Variants in CERS3 observed in about 807,000 individuals in gnomAD.
CERS3 encodes ceramide synthase 3, also known as LAG1 homolog, ceramide synthase 3.
Under a neutral mutation model 50.3 loss-of-function variants are expected in CERS3, and 33 were observed. The ratio of observed to expected loss-of-function variants is 0.66; its 90% CI spans 0.50 to 0.88. The LOEUF (loss-of-function observed/expected upper bound fraction) is 0.88, where lower values mean the gene tolerates loss of function less well. Among genes scored for constraint, CERS3 ranks in the 40% least tolerant of loss-of-function variants. The pLI is 0.00. For missense variants in CERS3, 470 were observed against 460.3 expected, an observed-to-expected ratio of 1.02 and a Z score of -0.19; for synonymous variants, 176 against 155.2, an observed-to-expected ratio of 1.13 and a Z score of -0.99.
chr15:100,453,960 A>G (rs1204282532), intron 11 of CERS3, among the ~76,000 whole-genome samples: 1 of 152,222 alleles, frequency 6.6e-6, no homozygotes, highest in Non-Finnish European at 1.5e-5. Flanking sequence ...GAAAACTACA[A>G]AACACTGATT....
intron 10 of CERS3, among the ~76,000 whole-genome samples, chr15:100,468,523 TAAG>T (rs1289456435): frequency 6.6e-6 from 1 of 152,168 alleles, no homozygotes; most frequent in Non-Finnish European, 1.5e-5. Flanking sequence ...TCTATACACT[TAAG>T]AATGAGGCCT....
At chr15:100,515,549 T>C (rs1190293172) in intron 2 of CERS3, among the ~76,000 whole-genome samples, 1 of 152,192 alleles carries the variant, frequency 6.6e-6, no homozygotes, top group Non-Finnish European at 1.5e-5. Context: ...AGGCAGGAAG[T>C]TGACTTAGAA....
intron 2 of CERS3, among the ~76,000 whole-genome samples, chr15:100,511,276 A>C (rs2036331129): frequency 1.3e-5 from 2 of 152,206 alleles, no homozygotes; most frequent in Admixed American, 6.5e-5. Context: ...GTGACAGAGC[A>C]AGACTCCATC....
chr15:100,441,917 C>G (rs746730133), intron 11 of CERS3, among the ~76,000 whole-genome samples: 1 of 151,970 alleles, frequency 6.6e-6, no homozygotes, highest in Admixed American at 6.6e-5. Context: ...TCCTTTTCTA[C>G]AGACCCATCT....
intron 2 of CERS3, among the ~76,000 whole-genome samples, chr15:100,517,125 C>T (rs1427094295): frequency 2.0e-5 from 3 of 152,294 alleles, no homozygotes; most frequent in Middle Eastern, 3.4e-3. Context: ...GAATAGCTAA[C>T]GGATCTAGGA....
chr15:100,434,776 C>A (rs1020889573), intron 11 of CERS3, among the ~76,000 whole-genome samples: 3 of 152,228 alleles, frequency 2.0e-5, no homozygotes, highest in African/African-American at 2.4e-5. Flanking sequence ...TGTGCCTGTG[C>A]CCCGGTCTAA....
At chr15:100,472,531 G>A (rs1017147838) in intron 9 of CERS3, among the ~76,000 whole-genome samples, 10 of 152,124 alleles carry the variant, frequency 6.6e-5, no homozygotes, top group East Asian at 1.9e-4. Flanking sequence ...AACATTCAAC[G>A]GGTATTCAAG....
At chr15:100,538,072 A>G (rs1466993405) in intron 1 of CERS3, among the ~76,000 whole-genome samples, 1 of 152,214 alleles carries the variant, frequency 6.6e-6, no homozygotes, top group Non-Finnish European at 1.5e-5. Context: ...AAAGTTCCAA[A>G]ATAACCTCCT....
At chr15:100,511,194 C>T (rs887646949) in intron 2 of CERS3, among the ~76,000 whole-genome samples, 1 of 152,090 alleles carries the variant, frequency 6.6e-6, no homozygotes, top group Admixed American at 6.6e-5. Context: ...GAGGCTGAGG[C>T]AGGAGAATTT....
chr15:100,445,252 G>C (rs1406126328), intron 11 of CERS3, among the ~76,000 whole-genome samples: 1 of 118,268 alleles, frequency 8.5e-6, no homozygotes, highest in Non-Finnish European at 1.8e-5. Context: ...ACTATCTCCT[G>C]TCTAGTCGTA....
intron 11 of CERS3, among the ~76,000 whole-genome samples, chr15:100,450,574 A>G (rs556863830): frequency 6.6e-6 from 1 of 152,282 alleles, no homozygotes; most frequent in Admixed American, 6.5e-5. Flanking sequence ...ACTGTAAGGG[A>G]AACAACTTAT....
At chr15:100,409,389 C>G (rs1299965071) in intron 11 of CERS3, among the ~76,000 whole-genome samples, 1 of 152,124 alleles carries the variant, frequency 6.6e-6, no homozygotes, top group African/African-American at 2.4e-5. Context: ...TTGAAAAACA[C>G]TGGCTAAGGT....
At chr15:100,502,267 A>AAAAAAAAAAAAAAAAAAAG (rs2036033219) in intron 2 of CERS3, among the ~76,000 whole-genome samples, 78 of 109,272 alleles carry the variant, frequency 7.1e-4, no homozygotes, top group Non-Finnish European at 1.1e-3. Context: ...AAAAAAAAAA[A>AAAAAAAAAAAAAAAAAAAG]AAAGAAAGAA....
At chr15:100,531,212 C>T (rs1181696130), upstream of CERS3, among the ~76,000 whole-genome samples, 6 of 152,210 alleles carry the variant, frequency 3.9e-5, no homozygotes, top group East Asian at 3.8e-4. Flanking sequence ...CAAATCAAAT[C>T]GGAACTATTT....
At chr15:100,460,855 A>C (rs1368860683) in intron 10 of CERS3, among the ~76,000 whole-genome samples, 1 of 152,212 alleles carries the variant, frequency 6.6e-6, no homozygotes, top group East Asian at 1.9e-4. Flanking sequence ...TAAACATAAA[A>C]TTGCCCATTG....
At chr15:100,407,794 T>C (rs564640490) in intron 11 of CERS3, among the ~76,000 whole-genome samples, 1 of 152,342 alleles carries the variant, frequency 6.6e-6, no homozygotes, top group African/African-American at 2.4e-5. Context: ...AATCTAGAGA[T>C]AATTTAAAGT....
chr15:100,519,121 T>C (rs940055811), intron 2 of CERS3, among the ~76,000 whole-genome samples: 3 of 151,426 alleles, frequency 2.0e-5, no homozygotes, highest in African/African-American at 7.3e-5. Context: ...ATCGCGTCAC[T>C]GTACTCCAGC....
At chr15:100,503,230 T>C (rs1486030853) in intron 2 of CERS3, among the ~76,000 whole-genome samples, 1 of 152,198 alleles carries the variant, frequency 6.6e-6, no homozygotes, top group African/African-American at 2.4e-5. Flanking sequence ...CATAGAAAAC[T>C]ACCAGTGGGT....
chr15:100,543,809 C>T lies in CERS3; in HGVS notation c.-355+842G>A, dbSNP rs1197687732. Among the ~76,000 whole-genome samples, 3 of 152,176 alleles carry T rather than the reference C, an allele frequency of 2.0e-5. No individual in the cohort carries two copies. The South Asian group carries it at 6.2e-4, about 31-fold the overall frequency. Reference sequence around the variant, plus strand: ...CCTCTCAAAGTGCTGGGATTACAGGCGTGTGCCACCGCACGTGGCTGTGGG... The same window carrying T: ...CCTCTCAAAGTGCTGGGATTACAGGTGTGTGCCACCGCACGTGGCTGTGGG... On this transcript the variant is annotated intron_variant, in intron 1 of 12. Transcript: ENST00000284382.
Sources: gnomAD v4.1 joint callset for allele counts (sites outside exome capture counted in the v4.1 genomes callset) on GRCh38, gnomAD v4.1.1 for gene constraint, MANE v1.5 for transcripts, NCBI Gene and HGNC (gene_info 2026-07-23, HGNC 2026-07-21) for gene names.